ROBO2: variants seen among roughly 807,000 people sequenced by gnomAD.
The protein encoded by ROBO2 is roundabout guidance receptor 2, also known as roundabout homolog 2.
In ROBO2, 53 loss-of-function variants were observed where a neutral mutation model predicts 160.8. The observed-to-expected ratio is 0.33, with a 90% CI of 0.26 to 0.41. The LOEUF is 0.41. Ranked by LOEUF, ROBO2 falls within the 10% of genes least tolerant of loss-of-function variation. ROBO2 has a pLI of 1.00. For missense variants in ROBO2, 1,577 were observed against 1,722.4 expected (o/e 0.92, Z 1.49); for synonymous variants, 664 against 611.7 (o/e 1.09, Z -1.26).
intron 2 of ROBO2, among the ~76,000 whole-genome samples, chr3:76,389,164 A>G (rs943773814): frequency 5.3e-5 from 8 of 152,366 alleles, no homozygotes; most frequent in African/African-American, 1.9e-4. Context: ...AGGTCAGTGC[A>G]TAATATGCAT....
chr3:76,185,215 T>TATATATATATATATATATACACAC lies in ROBO2; in HGVS notation c.109+247614_109+247615insTATATATATATATATATACACACA. Among the ~76,000 whole-genome samples the TATATATATATATATATATACACAC allele has an allele frequency of 4.8e-4, 43 of 90,282 alleles. 1 individual carries two copies. Among genetic ancestry groups the TATATATATATATATATATACACAC allele is most frequent in the East Asian group, 2.4e-3 (9 of 3,702 alleles). 59.2% of individuals were successfully genotyped at this position (90,282 alleles called of 152,430 possible). On this transcript the variant is annotated intron_variant, in intron 2 of 26. Coordinates refer to the ROBO2 transcript ENST00000487694. The stretch of plus-strand genomic sequence containing the variant: ...ACACAGATATATATATATATATATA[T>TATATATATATATATATATACACAC]ACACACACAAAGATGTTATATATAC...
intron 2 of ROBO2, among the ~76,000 whole-genome samples, chr3:76,823,948 TA>T (rs1313756028): frequency 6.6e-6 from 1 of 152,162 alleles, no homozygotes; most frequent in Non-Finnish European, 1.5e-5. Context: ...GACAGTGGCT[TA>T]AAACTGTAAA....
At chr3:76,794,138 G>T (rs563401835) in intron 2 of ROBO2, among the ~76,000 whole-genome samples, 9 of 151,874 alleles carry the variant, frequency 5.9e-5, no homozygotes, top group African/African-American at 2.2e-4. Flanking sequence ...AAATTTGAAT[G>T]GTGCAGAATT....
chr3:77,134,875 A>T (rs2076149224), intron 2 of ROBO2, among the ~76,000 whole-genome samples: 1 of 152,216 alleles, frequency 6.6e-6, no homozygotes, highest in African/African-American at 2.4e-5. Flanking sequence ...ATTAAGAGAA[A>T]TTGATTTTCC....
At chr3:76,015,571 C>T (rs1387141251) in intron 2 of ROBO2, among the ~76,000 whole-genome samples, 1 of 152,086 alleles carries the variant, frequency 6.6e-6, no homozygotes, top group Non-Finnish European at 1.5e-5. Context: ...TACATCAGGC[C>T]AGAAAAGATA....
chr3:77,601,503 T>A (rs2094429411), intron 19 of ROBO2, among the ~76,000 whole-genome samples: 1 of 152,326 alleles, frequency 6.6e-6, no homozygotes, highest in Non-Finnish European at 1.5e-5. Flanking sequence ...TCCTGGAGTT[T>A]AATTTTACTC....
intron 1 of ROBO2, among the ~76,000 whole-genome samples, chr3:77,067,713 G>T (rs1268577273): frequency 6.6e-6 from 1 of 151,960 alleles, no homozygotes; most frequent in African/African-American, 2.4e-5. Context: ...ATTGTCTTTA[G>T]CCTCAGTGGA....
At chr3:76,770,503 A>C (rs908394446) in intron 2 of ROBO2, among the ~76,000 whole-genome samples, 4 of 151,178 alleles carry the variant, frequency 2.6e-5, no homozygotes, top group African/African-American at 7.3e-5. Context: ...AGGGTATTAC[A>C]AAGGGTCAGG....
intron 2 of ROBO2, among the ~76,000 whole-genome samples, chr3:76,799,361 C>T (rs2064024703): frequency 6.6e-6 from 1 of 152,084 alleles, no homozygotes; most frequent in African/African-American, 2.4e-5. Flanking sequence ...TCAAATAGTA[C>T]TGGAAGTTCT....
intron 2 of ROBO2, among the ~76,000 whole-genome samples, chr3:76,590,927 C>G (rs1048085314): frequency 8.6e-5 from 13 of 152,002 alleles, no homozygotes; most frequent in African/African-American, 2.9e-4. Flanking sequence ...GAATAGCTAA[C>G]AAAATTTCAA....
At chr3:76,831,915 G>C (rs906871887) in intron 2 of ROBO2, among the ~76,000 whole-genome samples, 1 of 152,140 alleles carries the variant, frequency 6.6e-6, no homozygotes, top group Non-Finnish European at 1.5e-5. Flanking sequence ...CTTAGGCTAG[G>C]CTTGCTGGAA....
At chr3:77,209,352 A>T (rs1291525277) in intron 2 of ROBO2, among the ~76,000 whole-genome samples, 1 of 152,206 alleles carries the variant, frequency 6.6e-6, no homozygotes, top group Non-Finnish European at 1.5e-5. Flanking sequence ...AGTGTCACAT[A>T]AAAACATCTT....
At chr3:77,464,693 T>A (rs949652047) in intron 2 of ROBO2, among the ~76,000 whole-genome samples, 4 of 151,920 alleles carry the variant, frequency 2.6e-5, no homozygotes, top group African/African-American at 4.8e-5. Context: ...GATTTTTTTT[T>A]AATTTCAGAA....
rs1332959761 is a variant in ROBO2, at chr3:77,200,265, TTTTATATATATATA to T, written c.388+101927_388+101940del. 2.5e-4 allele frequency among the ~76,000 whole-genome samples: 15 copies of T among 59,058 alleles called. No individual in the cohort carries two copies. In the East Asian group the frequency reaches 3.4e-3, roughly 13 times the overall value. The allele number at this position is 59,058 out of a possible 152,430, so 38.7% of individuals were successfully genotyped here. On this transcript the variant is annotated intron_variant, in intron 2 of 25. Coordinates refer to ENST00000461745, the Ensembl canonical transcript of ROBO2. Reference sequence around the variant, plus strand: ...GTGTATGTATATCCTAACTAACATATTTTATATATATATATATATATATATATATATATATATAT... The same window carrying T: ...GTGTATGTATATCCTAACTAACATATTATATATATATATATATATATATAT...
chr3:76,120,036 G>A (rs920723975), intron 2 of ROBO2, among the ~76,000 whole-genome samples: 5 of 149,980 alleles, frequency 3.3e-5, no homozygotes, highest in African/African-American at 1.2e-4. Context: ...TCACTCTGTT[G>A]CCCAGCCTGG....
intron 2 of ROBO2, among the ~76,000 whole-genome samples, chr3:76,258,969 C>G (rs1706570577): frequency 6.6e-6 from 1 of 151,890 alleles, no homozygotes; most frequent in Non-Finnish European, 1.5e-5. Flanking sequence ...TTTCTTGGCC[C>G]CAATGGTTAT....
At chr3:76,335,178 G>GTT (rs34963831) in intron 2 of ROBO2, among the ~76,000 whole-genome samples, 988 of 77,836 alleles carry the variant, frequency 0.013, 22 homozygotes, top group East Asian at 0.085. Context: ...TTTCTGTTTT[G>GTT]TTTTTTTTTT....
chr3:76,995,071 G>T (rs1406761928), intron 2 of ROBO2, among the ~76,000 whole-genome samples: 2 of 151,680 alleles, frequency 1.3e-5, no homozygotes, highest in African/African-American at 4.9e-5. Flanking sequence ...TTTACATTAG[G>T]TATTTCTCCT....
At position 77,295,768 on chromosome 3, in the gene ROBO2, A is replaced by T. The variant is rs530991721; in HGVS notation, c.389-181646A>T. 4.6e-5 allele frequency among the ~76,000 whole-genome samples: 7 copies of T among 151,208 alleles called. No individual in the cohort carries two copies. The South Asian group carries it at 1.5e-3, about 32-fold the overall frequency. ...AAGCTGAGGCTAGATCACCCCAGAC[A>T]TAAAGTAAAATTGATGTTTAAATGG... On this transcript the variant is annotated intron_variant, in intron 2 of 25. Coordinates refer to ENST00000461745, the Ensembl canonical transcript of ROBO2.
Sources: allele counts gnomAD v4.1 joint callset (sites outside exome capture counted in the v4.1 genomes callset), GRCh38; gene constraint gnomAD v4.1.1; transcripts MANE v1.5; gene names NCBI Gene and HGNC (gene_info 2026-07-23, HGNC 2026-07-21).